PPP2R5C: variants seen among roughly 807,000 people sequenced by gnomAD.
The protein encoded by PPP2R5C is protein phosphatase 2 regulatory subunit B'gamma.
Under a neutral mutation model 68.9 loss-of-function variants are expected in PPP2R5C, and 7 were observed. The observed-to-expected ratio is 0.10, with a 90% CI of 0.06 to 0.19. The LOEUF (loss-of-function observed/expected upper bound fraction) is 0.19. Among genes scored for constraint, PPP2R5C ranks in the 10% least tolerant of loss-of-function variants. The pLI is 1.00. For synonymous variants in PPP2R5C, 210 were observed against 222.2 expected, an observed-to-expected ratio of 0.95 and a Z score of 0.49; for missense variants, 348 against 641.3, an observed-to-expected ratio of 0.54 and a Z score of 4.94.
At chr14:101,867,872 G>A (rs2043179644) in intron 2 of PPP2R5C, among the ~76,000 whole-genome samples, 1 of 152,106 alleles carries the variant, frequency 6.6e-6, no homozygotes, top group African/African-American at 2.4e-5. Context: ...TGGTTTCCAG[G>A]GAAAACTAGT....
intron 2 of PPP2R5C, among the ~76,000 whole-genome samples, chr14:101,881,593 G>A (rs973771546): frequency 6.6e-6 from 1 of 152,164 alleles, no homozygotes; most frequent in Admixed American, 6.5e-5. Context: ...GATCCTCTGT[G>A]CCCCTGAGCA....
In PPP2R5C at chr14:101,906,291, A is replaced by G; in HGVS notation, c.1024-111A>G. ...ATTTTGAATTTGTAGAAATAATCAT[A>G]ATTTTCTGGTCCAAGGTAGTTCATT... On this transcript the variant is annotated intron_variant, in intron 9 of 13. Transcript: ENST00000334743. The surrounding 1 kb of genome is among the most constrained non-coding windows in gnomAD (Gnocchi z 4.0). 2 of 1,161,020 alleles carry G rather than the reference A, an allele frequency of 1.7e-6. No individual in the cohort carries two copies. The highest frequency in any genetic ancestry group is 2.4e-6 in the Non-Finnish European group (2 of 840,524). 71.9% of individuals were successfully genotyped at this position (1,161,020 alleles called of 1,614,324 possible).
intron 13 of PPP2R5C, among the ~76,000 whole-genome samples, chr14:101,919,120 C>T (rs3783370): frequency 0.17 from 26,168 of 152,214 alleles, 3,528 homozygotes; most frequent in African/African-American, 0.37. Context: ...ACATGGCTGA[C>T]GCCATATCCC....
intron 1 of PPP2R5C, among the ~76,000 whole-genome samples, chr14:101,821,565 A>G (rs951982666): frequency 2.6e-5 from 4 of 151,512 alleles, no homozygotes; most frequent in Non-Finnish European, 5.9e-5. Flanking sequence ...TAAAAAATTG[A>G]CATGAGAGCA....
At chr14:101,776,881 C>CTT (rs1302841711) in intron 2 of PPP2R5C, among the ~76,000 whole-genome samples, 42 of 140,280 alleles carry the variant, frequency 3.0e-4, no homozygotes, top group African/African-American at 9.0e-4. Flanking sequence ...ACCTCATTCC[C>CTT]TTTTTTTTTT....
chr14:101,913,863 G>A lies in PPP2R5C; in HGVS notation c.1326+1390G>A, dbSNP rs940006998. 6.6e-6 allele frequency among the ~76,000 whole-genome samples: 1 copy of A among 151,966 alleles called. No homozygotes were observed. Among genetic ancestry groups the A allele is most frequent in the African/African-American group, 2.4e-5 (1 of 41,352 alleles). ...TTGAAATCAGTAGCCTCGAAAACATGTGAGAAATGAATACACACACACACA... is the reference window on the plus strand; with the variant it reads ...TTGAAATCAGTAGCCTCGAAAACATATGAGAAATGAATACACACACACACA... On this transcript the variant is annotated intron_variant, in intron 12 of 13. Coordinates refer to ENST00000334743, the Ensembl canonical transcript of PPP2R5C. This position sits in a 1 kb window ranked among gnomAD's most constrained non-coding sequence, Gnocchi z 4.1.
At chr14:101,817,766 C>T (rs749511238) in intron 1 of PPP2R5C, among the ~76,000 whole-genome samples, 60 of 125,440 alleles carry the variant, frequency 4.8e-4, no homozygotes, top group Admixed American at 2.9e-3. Context: ...AGAAATGGAA[C>T]GTGAAATGGG....
rs2046038180 is a variant in PPP2R5C, at chr14:101,906,603, A to G, written c.1151+74A>G. The stretch of plus-strand genomic sequence containing the variant: ...ACGTTTTACTGCTACTTCAGTAAGA[A>G]TAAATATCAGAATTTTAAATATCAA... On this transcript the variant is annotated intron_variant, in intron 10 of 13. Transcript: ENST00000334743. The surrounding 1 kb of genome is among the most constrained non-coding windows in gnomAD (Gnocchi z 4.0). 1.4e-6 allele frequency: 2 copies of G among 1,467,376 alleles called. No homozygotes were observed. The highest frequency in any genetic ancestry group is 1.3e-5 in the South Asian group (1 of 75,312). 90.9% of individuals were successfully genotyped at this position (1,467,376 alleles called of 1,614,324 possible).
At position 101,785,058 on chromosome 14, in the gene PPP2R5C, A is replaced by G. The variant is rs77617688; in HGVS notation, c.94-960A>G. Reference sequence around the variant, plus strand: ...GTTGGCAGCGTTGCAGGTTGGCTGCAGGGGTGTTGACCAGCCCTGGAGCTA... The same window carrying G: ...GTTGGCAGCGTTGCAGGTTGGCTGCGGGGGTGTTGACCAGCCCTGGAGCTA... On this transcript the variant is annotated intron_variant, in intron 2 of 14. Coordinates refer to the PPP2R5C transcript ENST00000328724. 7.1e-3 allele frequency among the ~76,000 whole-genome samples: 1,079 copies of G among 152,236 alleles called. 15 individuals are homozygous for G. Among genetic ancestry groups the G allele is most frequent in the African/African-American group, 0.024 (1,016 of 41,544 alleles).
intron 11 of PPP2R5C, among the ~76,000 whole-genome samples, chr14:101,911,098 G>A (rs142644740): frequency 0.025 from 3,614 of 142,966 alleles, 125 homozygotes; most frequent in African/African-American, 0.076. Context: ...GAGAGACTCC[G>A]TCTCAAAAAA....
At chr14:101,762,407 C>T (rs924791626) in intron 1 of PPP2R5C, among the ~76,000 whole-genome samples, 3 of 152,088 alleles carry the variant, frequency 2.0e-5, no homozygotes, top group African/African-American at 7.2e-5. Context: ...GTAAGGAATT[C>T]TCTGCCGCCC....
intron 7 of PPP2R5C, among the ~76,000 whole-genome samples, chr14:101,893,458 C>T (rs1201909147): frequency 1.3e-5 from 2 of 152,070 alleles, no homozygotes; most frequent in African/African-American, 4.8e-5. Context: ...CAATGAATGG[C>T]CTATGAAAAC....
chr14:101,851,287 G>T (rs2042141648), intron 1 of PPP2R5C, among the ~76,000 whole-genome samples: 1 of 152,118 alleles, frequency 6.6e-6, no homozygotes, highest in Non-Finnish European at 1.5e-5. Context: ...TTAAAAACTA[G>T]CTGGGTGTGG....
rs72715663 is a variant in PPP2R5C, at chr14:101,839,744, A to C, written c.95-16942A>C. 9.2e-3 allele frequency among the ~76,000 whole-genome samples: 1,402 copies of C among 152,340 alleles called. 10 individuals carry two copies. Among genetic ancestry groups the C allele is most frequent in the Non-Finnish European group, 0.015 (1,009 of 68,034 alleles). ...TGAGAACCCTGACTTGATTTATTGA[A>C]TCGTAGCACACATGTCCAGTGAAAT... On this transcript the variant is annotated intron_variant, in intron 1 of 13. Coordinates refer to ENST00000334743, the Ensembl canonical transcript of PPP2R5C.
At position 101,770,180 on chromosome 14, in the gene PPP2R5C, T is replaced by C. The variant is rs1362557257; in HGVS notation, c.93+7210T>C. ...AGTGACTGTAAAGGTTTCTCTGTGA[T>C]CTTTTATGCTTTGTGTTTCTTAATT... On this transcript the variant is annotated intron_variant, in intron 2 of 14. Coordinates refer to the PPP2R5C transcript ENST00000328724. Among the ~76,000 whole-genome samples, 3 of 152,242 alleles carry C rather than the reference T, an allele frequency of 2.0e-5. No individual in the cohort carries two copies. In the East Asian group the frequency reaches 5.8e-4, roughly 29 times the overall value.
chr14:101,795,539 G>C (rs1282516326), intron 3 of PPP2R5C, among the ~76,000 whole-genome samples: 3 of 151,920 alleles, frequency 2.0e-5, no homozygotes, highest in African/African-American at 7.3e-5. Flanking sequence ...CTTATAGGAA[G>C]AGTAAATTAA....
Position 101,877,223 on chromosome 14 carries a change from A to G in PPP2R5C, c.295-4938A>G, listed in dbSNP as rs2043839973. On this transcript the variant is annotated intron_variant, in intron 2 of 13. Transcript: ENST00000334743. The surrounding 1 kb of genome is among the most constrained non-coding windows in gnomAD (Gnocchi z 4.2). ...CTCGGCCTCCCAAAGTGCTGGGATT[A>G]CAGGCATGAGTCACCGCGCCTGGCC... Among the ~76,000 whole-genome samples, 1 of 152,144 alleles carries G rather than the reference A, an allele frequency of 6.6e-6. No individual in the cohort carries two copies. The highest frequency in any genetic ancestry group is 2.4e-5 in the African/African-American group (1 of 41,428).
chr14:101,849,000 A>G (rs2042000209), intron 1 of PPP2R5C, among the ~76,000 whole-genome samples: 1 of 152,208 alleles, frequency 6.6e-6, no homozygotes, highest in South Asian at 2.1e-4. Flanking sequence ...GTTTCTTCCT[A>G]TAAATGAAAT....
intron 1 of PPP2R5C, among the ~76,000 whole-genome samples, chr14:101,841,994 G>T (rs1337991487): frequency 6.6e-6 from 1 of 152,074 alleles, no homozygotes; most frequent in East Asian, 1.9e-4. Flanking sequence ...AGCTCACGGA[G>T]GCCCCCCAGA....
Sources: gnomAD v4.1 joint callset for allele counts (sites outside exome capture counted in the v4.1 genomes callset) on GRCh38, gnomAD v4.1.1 for gene constraint, Gnocchi (gnomAD v3.1) non-coding constraint, MANE v1.5 for transcripts, NCBI Gene and HGNC (gene_info 2026-07-23, HGNC 2026-07-21) for gene names.